Variants in NEBL observed in about 807,000 individuals in gnomAD.
NEBL encodes the protein LIM and SH3 protein 2.
A neutral mutation model predicts 140.2 loss-of-function variants in NEBL; 122 were observed. The observed-to-expected ratio is 0.87, with a 90% CI of 0.75 to 1.01. The LOEUF (loss-of-function observed/expected upper bound fraction) is 1.01, where lower values mean the gene tolerates loss of function less well. Ranked by LOEUF, NEBL falls within the 50% of genes least tolerant of loss-of-function variation. NEBL has a pLI of 0.00. For synonymous variants in NEBL, 436 were observed against 398.9 expected (o/e 1.09, Z -1.11); for missense variants, 1,365 against 1,231.3 (o/e 1.11, Z -1.62).
intron 2 of NEBL, among the ~76,000 whole-genome samples, chr10:21,064,322 T>C (rs1178272476): frequency 6.6e-6 from 1 of 152,232 alleles, no homozygotes; most frequent in Non-Finnish European, 1.5e-5. Flanking sequence ...TGTTTTAGGA[T>C]TTCACTGCAA....
intron 19 of NEBL, among the ~76,000 whole-genome samples, chr10:20,822,787 C>A (rs1288093543): frequency 6.6e-6 from 1 of 151,964 alleles, no homozygotes; most frequent in Non-Finnish European, 1.5e-5. Context: ...AGGTTTCATT[C>A]CTTTTTAATT....
chr10:21,020,651 T>G (rs951842005), intron 2 of NEBL, among the ~76,000 whole-genome samples: 8 of 152,188 alleles, frequency 5.3e-5, no homozygotes, highest in Admixed American at 3.9e-4. Flanking sequence ...CTCTTGCCCG[T>G]TATAATGACT....
chr10:20,949,261 A>C (rs927122586), intron 4 of NEBL, among the ~76,000 whole-genome samples: 8 of 152,246 alleles, frequency 5.3e-5, no homozygotes, highest in African/African-American at 1.9e-4. Flanking sequence ...ACACACGGAC[A>C]CAGGGAGGGG....
At chr10:20,786,070 T>A in intron 27 of NEBL, 147 bp from the exon 28 acceptor site, 1 of 789,984 alleles carries the variant, frequency 1.3e-6, no homozygotes, top group Admixed American at 2.4e-5. Context: ...ACCTAGCATC[T>A]CATTGTGCTG....
At chr10:20,813,797 A>T in intron 23 of NEBL, 142 bp downstream of exon 23, 1 of 677,272 alleles carries the variant, frequency 1.5e-6, no homozygotes, top group Non-Finnish European at 2.7e-6. Context: ...CAGTGTGATT[A>T]GAAATGCCCC....
chr10:21,063,584 A>C (rs1240047349), intron 2 of NEBL, among the ~76,000 whole-genome samples: 1 of 152,204 alleles, frequency 6.6e-6, no homozygotes, highest in Non-Finnish European at 1.5e-5. Flanking sequence ...ACTGCAGAAC[A>C]GGAATGCTTT....
In NEBL at chr10:21,125,225, TATACACACACAC is replaced by T. The variant is rs1838767762; in HGVS notation, c.164+47146_164+47157del. Among the ~76,000 whole-genome samples, 8 of 141,410 alleles carry T rather than the reference TATACACACACAC, an allele frequency of 5.7e-5. No individual in the cohort carries two copies. The South Asian group carries it at 1.7e-3, about 30-fold the overall frequency. 92.8% of individuals were successfully genotyped at this position (141,410 alleles called of 152,430 possible). A position where few individuals can be genotyped will look rare whatever the true frequency, so the allele number is the denominator to read the frequency against. On this transcript the variant is annotated intron_variant, in intron 2 of 6. Coordinates refer to the NEBL transcript ENST00000417816. The stretch of plus-strand genomic sequence containing the variant: ...ACACGCACACACATGCACACATGCA[TATACACACACAC>T]ACACACACACACAGCCACTGTGCAC...
At chr10:20,862,629 CT>C (rs1288894929) in intron 7 of NEBL, among the ~76,000 whole-genome samples, 39 of 152,298 alleles carry the variant, frequency 2.6e-4, no homozygotes, top group African/African-American at 9.1e-4. Context: ...CCAGGAAATG[CT>C]TTTCCTTGAC....
intron 3 of NEBL, among the ~76,000 whole-genome samples, chr10:21,240,015 C>CAA (rs796849325): frequency 9.3e-6 from 1 of 107,988 alleles, no homozygotes; most frequent in African/African-American, 3.5e-5. Flanking sequence ...GACTCTGCCT[C>CAA]AAAAAAAAAA....
intron 1 of NEBL, among the ~76,000 whole-genome samples, chr10:21,263,056 T>A (rs1185310332): frequency 6.6e-6 from 1 of 152,210 alleles, no homozygotes; most frequent in East Asian, 1.9e-4. Context: ...CTTTTGTGGA[T>A]GCACAAGGTG....
intron 1 of NEBL, among the ~76,000 whole-genome samples, chr10:21,263,723 G>A (rs1005531701): frequency 6.6e-6 from 1 of 152,202 alleles, no homozygotes; most frequent in Non-Finnish European, 1.5e-5. Context: ...CCAGTACTTT[G>A]AGAGGCCGAG....
intron 4 of NEBL, among the ~76,000 whole-genome samples, chr10:20,911,686 C>A (rs1013495446): frequency 1.3e-5 from 2 of 152,006 alleles, no homozygotes; most frequent in African/African-American, 4.8e-5. Flanking sequence ...GGACATATTC[C>A]CAAGGCATGG....
At chr10:20,900,586 G>A (rs1197974709), upstream of NEBL, among the ~76,000 whole-genome samples, 2 of 151,646 alleles carry the variant, frequency 1.3e-5, no homozygotes, top group Non-Finnish European at 2.9e-5. Flanking sequence ...CACTTCGGGA[G>A]GCCAAGGCAG....
intron 3 of NEBL, among the ~76,000 whole-genome samples, chr10:21,201,321 A>G (rs1378415500): frequency 6.6e-6 from 1 of 152,230 alleles, no homozygotes; most frequent in African/African-American, 2.4e-5. Context: ...GTAGTTTCTT[A>G]CATGGTGGCC....
intron 3 of NEBL, among the ~76,000 whole-genome samples, chr10:20,999,735 G>T (rs1453874445): frequency 1.3e-5 from 2 of 152,170 alleles, no homozygotes; most frequent in Non-Finnish European, 2.9e-5. Flanking sequence ...AGGTCTGATG[G>T]CTCCATGTTC....
rs1035635678 is a variant in NEBL at position 20,872,341 on chromosome 10, C to G, written c.481-2500G>C. ...ACGGAGCCACACAGAAAAAAGCTTC[C>G]GCGCCTGATCACTTGTCAGATCTTC... On this transcript the variant is annotated intron_variant, in intron 5 of 27. Transcript: ENST00000377122. Among the ~76,000 whole-genome samples, 27 of 152,134 alleles carry G rather than the reference C, an allele frequency of 1.8e-4. 1 individual carries two copies. Among genetic ancestry groups the G allele is most frequent in the Non-Finnish European group, 7.3e-5 (5 of 68,038 alleles).
intron 2 of NEBL, among the ~76,000 whole-genome samples, chr10:21,100,353 A>C (rs1419039248): frequency 6.6e-6 from 1 of 152,188 alleles, no homozygotes; most frequent in Non-Finnish European, 1.5e-5. Context: ...CACAGTGAAG[A>C]AGCTGAAAAA....
chr10:20,945,532 T>C (rs1310221012), intron 4 of NEBL, among the ~76,000 whole-genome samples: 1 of 152,182 alleles, frequency 6.6e-6, no homozygotes, highest in East Asian at 1.9e-4. Flanking sequence ...GTAAATTGTC[T>C]GGAAAAATGC....
At chr10:21,172,691 G>T (rs1297127542) in intron 1 of NEBL, among the ~76,000 whole-genome samples, 4 of 152,138 alleles carry the variant, frequency 2.6e-5, no homozygotes, top group Middle Eastern at 3.4e-3. Flanking sequence ...AAAACCCACC[G>T]CAATACACAG....
Sources: gnomAD v4.1 joint callset for allele counts (sites outside exome capture counted in the v4.1 genomes callset) on GRCh38, gnomAD v4.1.1 for gene constraint, MANE v1.5 for transcripts, NCBI Gene and HGNC (gene_info 2026-07-23, HGNC 2026-07-21) for gene names.